PLEKHA5: variants seen among roughly 807,000 people sequenced by gnomAD.
PLEKHA5 encodes the protein pleckstrin homology domain-containing family A member 5.
A neutral mutation model predicts 181.9 loss-of-function variants in PLEKHA5; 55 were observed. That is an observed-to-expected ratio of 0.30 (90% CI 0.24 to 0.38). The LOEUF (loss-of-function observed/expected upper bound fraction) is 0.38. PLEKHA5 is among the 10% of genes least tolerant of loss of function. PLEKHA5 has a pLI of 1.00. For missense variants in PLEKHA5, 1,432 were observed against 1,549.5 expected (o/e 0.92, Z 1.27); for synonymous variants, 535 against 529.4 (o/e 1.01, Z -0.15).
intron 3 of PLEKHA5, among the ~76,000 whole-genome samples, chr12:19,198,966 T>C (rs1399503135): frequency 6.6e-6 from 1 of 152,146 alleles, no homozygotes; most frequent in African/African-American, 2.4e-5. Flanking sequence ...ACATGACAGA[T>C]TTTCTTATAG....
intron 11 of PLEKHA5, among the ~76,000 whole-genome samples, chr12:19,277,874 T>G (rs2075041577): frequency 6.6e-6 from 1 of 152,230 alleles, no homozygotes. Flanking sequence ...ACTGTTAAGA[T>G]GCATGGTCCT....
chr12:19,347,204 A>C, intron 24 of PLEKHA5, 22 bp downstream of exon 24: 1 of 1,357,258 alleles, frequency 7.4e-7, no homozygotes, highest in Non-Finnish European at 1.0e-6. Context: ...GAATAGCCAC[A>C]GAATAATCAA....
intron 3 of PLEKHA5, among the ~76,000 whole-genome samples, chr12:19,229,897 A>T (rs1000261047): frequency 1.3e-5 from 2 of 152,108 alleles, no homozygotes; most frequent in Admixed American, 1.3e-4. Context: ...CCCACAGGGC[A>T]CTGATTGGTG....
chr12:19,195,781 T>C (rs1221437200), intron 3 of PLEKHA5, among the ~76,000 whole-genome samples: 5 of 151,766 alleles, frequency 3.3e-5, no homozygotes, highest in Admixed American at 6.6e-5. Context: ...TATATATATA[T>C]ACACATACAT....
chr12:19,272,160 C>T (rs1227527750), intron 10 of PLEKHA5, among the ~76,000 whole-genome samples: 1 of 151,252 alleles, frequency 6.6e-6, no homozygotes, highest in Non-Finnish European at 1.5e-5. Context: ...CATTGATGGC[C>T]CAAAGAAAAA....
At chr12:19,235,842 A>C (rs2061337722) in intron 3 of PLEKHA5, among the ~76,000 whole-genome samples, 1 of 152,232 alleles carries the variant, frequency 6.6e-6, no homozygotes, top group African/African-American at 2.4e-5. Flanking sequence ...AATAATTGTC[A>C]GTATTCAATA....
chr12:19,265,797 C>G lies in PLEKHA5; in HGVS notation c.658C>G (p.Gln220Glu), dbSNP rs2070157897. The G allele has an allele frequency of 6.2e-7, 1 of 1,604,396 alleles. No homozygotes were observed. Among genetic ancestry groups the G allele is most frequent in the African/African-American group, 1.3e-5 (1 of 74,796 alleles). Residue 220 changes from glutamine to glutamate, a missense_variant, in exon 8 of 32, where the codon CAG becomes GAG. Gln to Glu is a conservative substitution (Grantham distance 29, BLOSUM62 2). Transcript: ENST00000429027. ...GGGAAGCATACTGTTACCTAGTTTT[C>G]AGATAGCTTTGCTTACCTCTGAAGA... is the stretch of plus-strand genomic sequence containing the variant. Reference protein sequence around the residue: ...ILGSILLPSFQIALLTSEDHI... With the variant: ...ILGSILLPSFEIALLTSEDHI...
At chr12:19,177,446 AGATAG>A (rs538354365) in intron 3 of PLEKHA5, among the ~76,000 whole-genome samples, 78 of 152,300 alleles carry the variant, frequency 5.1e-4, no homozygotes, top group African/African-American at 1.7e-3. Context: ...TTCATTTGAT[AGATAG>A]GGAAACTAAG....
intron 16 of PLEKHA5, among the ~76,000 whole-genome samples, chr12:19,317,039 AT>A (rs1290038055): frequency 6.6e-6 from 1 of 152,102 alleles, no homozygotes; most frequent in East Asian, 1.9e-4. Flanking sequence ...CTAGGCAGTA[AT>A]TTTCTTAAAA....
At chr12:19,186,584 A>G (rs1295031243) in intron 3 of PLEKHA5, among the ~76,000 whole-genome samples, 2 of 152,232 alleles carry the variant, frequency 1.3e-5, no homozygotes, top group African/African-American at 4.8e-5. Context: ...GCTAGAAGAA[A>G]TGGAGTAAGA....
intron 3 of PLEKHA5, among the ~76,000 whole-genome samples, chr12:19,161,378 G>A (rs2042930361): frequency 6.6e-6 from 1 of 152,126 alleles, no homozygotes; most frequent in African/African-American, 2.4e-5. Flanking sequence ...ACTTCTATCT[G>A]AATTGGAGAA....
At chr12:19,173,628 C>T (rs2046515434) in intron 3 of PLEKHA5, among the ~76,000 whole-genome samples, 2 of 152,136 alleles carry the variant, frequency 1.3e-5, no homozygotes, top group Admixed American at 1.3e-4. Context: ...TCAAATCACT[C>T]ACTATTTGAA....
At chr12:19,164,285 G>C (rs181333149) in intron 3 of PLEKHA5, among the ~76,000 whole-genome samples, 1 of 140,816 alleles carries the variant, frequency 7.1e-6, no homozygotes, top group Non-Finnish European at 1.5e-5. Flanking sequence ...TGTAACTTCC[G>C]CCTCCCGGGT....
Position 19,211,284 on chromosome 12 carries a change from A to G in PLEKHA5, c.228-42656A>G, listed in dbSNP as rs569564086. Among the ~76,000 whole-genome samples the G allele has an allele frequency of 2.6e-5, 4 of 152,218 alleles. No homozygotes were observed. In the South Asian group the frequency reaches 6.2e-4, roughly 24 times the overall value. ...TCTGATCCCAGAACCTGTGAAGGCT[A>G]CTTTCTGTGGCAAATACTTAGCAGA... On this transcript the variant is annotated intron_variant, in intron 3 of 31. Coordinates refer to ENST00000429027, the MANE Select transcript of PLEKHA5 (RefSeq NM_001256470.2).
chr12:19,209,684 A>G (rs998885892), intron 3 of PLEKHA5, among the ~76,000 whole-genome samples: 3 of 152,230 alleles, frequency 2.0e-5, no homozygotes, highest in Non-Finnish European at 4.4e-5. Context: ...AAGTACAATC[A>G]AAGCAGTGGC....
intron 15 of PLEKHA5, among the ~76,000 whole-genome samples, chr12:19,308,978 C>G (rs1365405064): frequency 6.6e-6 from 1 of 151,838 alleles, no homozygotes; most frequent in Admixed American, 6.6e-5. Flanking sequence ...AGGAGAATCA[C>G]TTGAACCCAG....
chr12:19,129,917 C>T (rs757709012), intron 1 of PLEKHA5, 29 bp downstream of exon 1: 18 of 1,576,792 alleles, frequency 1.1e-5, no homozygotes, highest in Admixed American at 3.5e-5. Flanking sequence ...CACGGGGGCC[C>T]GCGGGGGCGG....
intron 15 of PLEKHA5, chr12:19,307,487 G>A: frequency 3.4e-6 from 1 of 294,186 alleles, no homozygotes. Flanking sequence ...AAAAAATAGA[G>A]GAAGCTATGA....
intron 3 of PLEKHA5, among the ~76,000 whole-genome samples, chr12:19,248,272 A>G (rs904406767): frequency 1.3e-5 from 2 of 152,086 alleles, no homozygotes; most frequent in African/African-American, 4.8e-5. Flanking sequence ...ATCTCAACTC[A>G]CTGCAGCCTC....
Sources: gnomAD v4.1 joint callset for allele counts (sites outside exome capture counted in the v4.1 genomes callset) on GRCh38, gnomAD v4.1.1 for gene constraint, MANE v1.5 for transcripts, NCBI Gene and HGNC (gene_info 2026-07-23, HGNC 2026-07-21) for gene names.